Variants in SLC4A4 observed in about 807,000 individuals in gnomAD.
The protein encoded by SLC4A4 is solute carrier family 4 member 4.
In SLC4A4, 27 loss-of-function variants were observed where a neutral mutation model predicts 111.5. The ratio of observed to expected loss-of-function variants is 0.24; its 90% CI spans 0.18 to 0.33. SLC4A4 has a LOEUF of 0.33. Among genes scored for constraint, SLC4A4 ranks in the 10% least tolerant of loss-of-function variants. The pLI is 1.00. For synonymous variants in SLC4A4, 443 were observed against 463.4 expected (o/e 0.96, Z 0.57); for missense variants, 909 against 1,315.5 (o/e 0.69, Z 4.78).
intron 1 of SLC4A4, among the ~76,000 whole-genome samples, chr4:71,088,288 C>T (rs902296104): frequency 1.3e-5 from 2 of 151,464 alleles, no homozygotes; most frequent in Admixed American, 6.6e-5. Context: ...TATTTTGAGC[C>T]TATGTGTGTC....
At chr4:71,169,696 C>A (rs376580533) in intron 2 of SLC4A4, among the ~76,000 whole-genome samples, 4 of 152,046 alleles carry the variant, frequency 2.6e-5, no homozygotes, top group African/African-American at 9.7e-5. Context: ...TTATAATGAA[C>A]CGAAATATAT....
intron 1 of SLC4A4, among the ~76,000 whole-genome samples, chr4:71,069,841 C>T (rs1214820951): frequency 6.6e-6 from 1 of 152,126 alleles, no homozygotes; most frequent in African/African-American, 2.4e-5. Context: ...GAACGCTTCT[C>T]TTTTTCTAAA....
chr4:71,373,170 T>C (rs889220020), intron 6 of SLC4A4, among the ~76,000 whole-genome samples: 1 of 152,190 alleles, frequency 6.6e-6, no homozygotes, highest in Non-Finnish European at 1.5e-5. Flanking sequence ...TCACCAAGCT[T>C]CCACTCTTCT....
At chr4:71,276,588 C>CT (rs200443844) in intron 3 of SLC4A4, among the ~76,000 whole-genome samples, 10 of 146,020 alleles carry the variant, frequency 6.8e-5, no homozygotes, top group African/African-American at 7.6e-5. Context: ...AGATCTTCTT[C>CT]TTTTTTTTTC....
chr4:71,431,646 C>T (rs1298837004), intron 7 of SLC4A4, among the ~76,000 whole-genome samples: 1 of 152,008 alleles, frequency 6.6e-6, no homozygotes, highest in South Asian at 2.1e-4. Context: ...ATGTGCAGAG[C>T]TGCTGTTCAG....
At chr4:71,115,060 A>G (rs1051599999) in intron 2 of SLC4A4, among the ~76,000 whole-genome samples, 9 of 147,652 alleles carry the variant, frequency 6.1e-5, no homozygotes, top group African/African-American at 7.6e-5. Flanking sequence ...ACTGGAAATC[A>G]TCATTCTCAG....
At chr4:71,185,194 G>A (rs1275520891), upstream of SLC4A4, among the ~76,000 whole-genome samples, 4 of 152,190 alleles carry the variant, frequency 2.6e-5, no homozygotes, top group Non-Finnish European at 4.4e-5. Context: ...CACCAGCACT[G>A]AGTGTTCATG....
chr4:71,456,906 A>G (rs964092291), intron 12 of SLC4A4, among the ~76,000 whole-genome samples: 2 of 152,178 alleles, frequency 1.3e-5, no homozygotes, highest in African/African-American at 2.4e-5. Flanking sequence ...ATCTGCAGTT[A>G]TGTCACATGC....
chr4:71,387,196 T>G (rs1718820309), intron 6 of SLC4A4, among the ~76,000 whole-genome samples: 1 of 152,202 alleles, frequency 6.6e-6, no homozygotes, highest in South Asian at 2.1e-4. Context: ...GAAGATGTTC[T>G]CTTTTTTAAC....
rs1721357010 is a variant in SLC4A4 at position 71,255,216 on chromosome 4, T to G, written c.74-4T>G. The G allele has an allele frequency of 5.0e-6, 8 of 1,613,134 alleles. No homozygotes were observed. The highest frequency in any genetic ancestry group is 6.8e-6 in the Non-Finnish European group (8 of 1,179,264). On this transcript the variant is annotated splice_region_variant and splice_polypyrimidine_tract_variant and intron_variant, in intron 2 of 25. Transcript: ENST00000264485. The stretch of plus-strand genomic sequence containing the variant: ...CTGACTGGTGATTTGTGTACCTTCC[T>G]TAGGCCACCATACCATTTACATCGG...
intron 7 of SLC4A4, among the ~76,000 whole-genome samples, chr4:71,420,817 A>C (rs1722383203): frequency 6.8e-6 from 1 of 147,134 alleles, no homozygotes; most frequent in Non-Finnish European, 1.5e-5. Context: ...GCCTGCCCTA[A>C]AAGAGCTCCT....
At chr4:71,518,739 T>G (rs1402611820) in intron 16 of SLC4A4, among the ~76,000 whole-genome samples, 1 of 151,906 alleles carries the variant, frequency 6.6e-6, no homozygotes, top group Non-Finnish European at 1.5e-5. Context: ...CCACTGGGTT[T>G]GGCCTGGCAG....
At chr4:71,075,184 T>C (rs1741773431) in intron 1 of SLC4A4, among the ~76,000 whole-genome samples, 1 of 152,220 alleles carries the variant, frequency 6.6e-6, no homozygotes, top group Admixed American at 6.5e-5. Context: ...CAGCCTACTA[T>C]TAACAATGTT....
At chr4:71,473,296 A>T in intron 14 of SLC4A4, 1 of 593,158 alleles carries the variant, frequency 1.7e-6, no homozygotes, top group Non-Finnish European at 3.0e-6. Context: ...ACATGTATTA[A>T]CAGATATAAA....
At chr4:71,263,206 A>T (rs372993245) in intron 3 of SLC4A4, among the ~76,000 whole-genome samples, 2 of 152,066 alleles carry the variant, frequency 1.3e-5, no homozygotes, top group South Asian at 2.1e-4. Context: ...TCAATATTTT[A>T]TGTAGTTTAA....
chr4:71,123,151 TAAAG>T (rs572292301), intron 2 of SLC4A4, among the ~76,000 whole-genome samples: 159 of 152,190 alleles, frequency 1.0e-3, no homozygotes, highest in Admixed American at 2.3e-3. Flanking sequence ...ATACGAGACT[TAAAG>T]AAGCAGACAA....
intron 6 of SLC4A4, among the ~76,000 whole-genome samples, chr4:71,395,536 G>A (rs1454097232): frequency 6.6e-6 from 1 of 152,070 alleles, no homozygotes; most frequent in Non-Finnish European, 1.5e-5. Flanking sequence ...CTGTCTTTCA[G>A]AAATGCGAAG....
In SLC4A4 at chr4:71,236,146, T is replaced by C. The variant is rs537500146; in HGVS notation, c.-1-430T>C. ...GTGTGAGGGTATACATTTTATGCAG[T>C]GGGTGTTTAAAGAGCTAAGCACTGA... is the stretch of plus-strand genomic sequence containing the variant. On this transcript the variant is annotated intron_variant, in intron 1 of 25. Coordinates refer to ENST00000264485, the MANE Select transcript of SLC4A4 (RefSeq NM_001098484.3). 1.3e-5 allele frequency: 14 copies of C among 1,049,326 alleles called. No individual in the cohort carries two copies. In the South Asian group the frequency reaches 4.4e-4, roughly 33 times the overall value. 65.0% of individuals were successfully genotyped at this position (1,049,326 alleles called of 1,614,324 possible). A position where few individuals can be genotyped will look rare whatever the true frequency, so the allele number is the denominator to read the frequency against.
chr4:71,255,433 G>A (rs1721377241), intron 3 of SLC4A4, 34 bp downstream of exon 3: 7 of 1,607,516 alleles, frequency 4.4e-6, no homozygotes, highest in Non-Finnish European at 6.0e-6. Context: ...GCCTCTCTCT[G>A]CCTCACTCCC....
Sources: allele counts gnomAD v4.1 joint callset (sites outside exome capture counted in the v4.1 genomes callset), GRCh38; gene constraint gnomAD v4.1.1; transcripts MANE v1.5; gene names NCBI Gene and HGNC (gene_info 2026-07-23, HGNC 2026-07-21).